Variants in DIP2B observed in about 807,000 individuals in gnomAD.
DIP2B encodes DIP2 acetate--CoA ligase B (putative).
A neutral mutation model predicts 198.0 loss-of-function variants in DIP2B; 76 were observed. That is an observed-to-expected ratio of 0.38 (90% CI 0.32 to 0.46). The LOEUF is 0.46. DIP2B is among the 20% of genes least tolerant of loss of function. The pLI is 0.99. For synonymous variants in DIP2B, 701 were observed against 739.1 expected (o/e 0.95, Z 0.84); for missense variants, 1,559 against 1,978.4 (o/e 0.79, Z 4.02).
chr12:50,686,398 T>G (rs1352124917), intron 11 of DIP2B, among the ~76,000 whole-genome samples, 175 bp from the exon 12 acceptor site: 1 of 152,192 alleles, frequency 6.6e-6, no homozygotes, highest in Non-Finnish European at 1.5e-5. Context: ...ATTGTACTTT[T>G]GAAAGAAGGT....
At chr12:50,720,226 C>T (rs1240407527) in intron 25 of DIP2B, among the ~76,000 whole-genome samples, 1 of 151,956 alleles carries the variant, frequency 6.6e-6, no homozygotes, top group Non-Finnish European at 1.5e-5. Flanking sequence ...CTGTGCCCGG[C>T]CTATATATTG....
chr12:50,601,551 G>A (rs1300562146), intron 1 of DIP2B, among the ~76,000 whole-genome samples: 1 of 152,046 alleles, frequency 6.6e-6, no homozygotes, highest in African/African-American at 2.4e-5. Context: ...TGTTAGCCAG[G>A]ATGGTCTCGA....
In DIP2B at chr12:50,555,764, T is replaced by G. The variant is rs568831207; in HGVS notation, c.100+50524T>G. The stretch of plus-strand genomic sequence containing the variant: ...CACCCCATGCTTGTTTGGCGCCTCA[T>G]GTCCTCCTCTTACTTCTAGGGGCCT... On this transcript the variant is annotated intron_variant, in intron 1 of 37. Transcript: ENST00000301180. Among the ~76,000 whole-genome samples, 4 of 152,030 alleles carry G rather than the reference T, an allele frequency of 2.6e-5. No homozygotes were observed. The South Asian group carries it at 8.3e-4, about 32-fold the overall frequency.
At chr12:50,706,776 T>A (rs550033349) in intron 21 of DIP2B, 111 bp downstream of exon 21, 2 of 1,334,410 alleles carry the variant, frequency 1.5e-6, no homozygotes, top group African/African-American at 2.9e-5. Flanking sequence ...GATCAGATTG[T>A]TTTTGTTAAG....
At chr12:50,646,334 G>A (rs1320730976) in intron 3 of DIP2B, among the ~76,000 whole-genome samples, 1 of 151,950 alleles carries the variant, frequency 6.6e-6, no homozygotes, top group Non-Finnish European at 1.5e-5. Flanking sequence ...TATTGGCCAG[G>A]CTGGTCTGGA....
intron 1 of DIP2B, among the ~76,000 whole-genome samples, chr12:50,547,281 A>T (rs1370965284): frequency 6.6e-6 from 1 of 152,218 alleles, no homozygotes; most frequent in Non-Finnish European, 1.5e-5. Flanking sequence ...TGATGACTGT[A>T]CAACACTAGA....
chr12:50,683,248 G>A lies in DIP2B; in HGVS notation c.1317G>A (p.Lys439=). Residue 439 remains lysine (K), a splice_region_variant and synonymous_variant, in exon 10 of 38, where the codon AAG becomes AAA. Coordinates refer to ENST00000301180, the MANE Select transcript of DIP2B (RefSeq NM_173602.3). The part of the protein sequence containing the change: ...PVPIEVPLTR[K]DAGGQQIGFL... ...CTATAGAGGTACCTCTTACCAGAAA[G>A]GTAACATTGCTAAATTTAAGAGGAA... 6.2e-7 allele frequency: 1 copy of A among 1,606,664 alleles called. No individual in the cohort carries two copies. Among genetic ancestry groups the A allele is most frequent in the East Asian group, 2.2e-5 (1 of 44,572 alleles).
chr12:50,603,037 G>A (rs1232975335), intron 1 of DIP2B, among the ~76,000 whole-genome samples: 41 of 146,304 alleles, frequency 2.8e-4, no homozygotes, highest in African/African-American at 9.6e-4. Flanking sequence ...GGTGGCAGGC[G>A]CCTGTAGTCC....
intron 1 of DIP2B, among the ~76,000 whole-genome samples, chr12:50,607,085 G>A (rs1179612075): frequency 6.6e-6 from 1 of 151,658 alleles, no homozygotes; most frequent in Non-Finnish European, 1.5e-5. Context: ...GGGACTACAG[G>A]CATGGGCCAT....
intron 2 of DIP2B, among the ~76,000 whole-genome samples, chr12:50,637,001 C>G (rs964270896): frequency 5.3e-5 from 8 of 152,164 alleles, no homozygotes; most frequent in Non-Finnish European, 1.2e-4. Flanking sequence ...ATCACCGACC[C>G]TTCAAAGGAA....
intron 1 of DIP2B, among the ~76,000 whole-genome samples, chr12:50,593,035 G>A (rs1348813566): frequency 6.6e-6 from 1 of 152,096 alleles, no homozygotes; most frequent in Non-Finnish European, 1.5e-5. Flanking sequence ...TCCTGAATTT[G>A]CACACAAGGC....
chr12:50,611,299 G>C (rs185011002), intron 1 of DIP2B, among the ~76,000 whole-genome samples: 1 of 152,214 alleles, frequency 6.6e-6, no homozygotes, highest in Non-Finnish European at 1.5e-5. Flanking sequence ...CCTGCTAAAG[G>C]ATATCAGCTC....
chr12:50,686,111 A>G (rs768866747), intron 11 of DIP2B, among the ~76,000 whole-genome samples, 155 bp downstream of exon 11: 3 of 152,240 alleles, frequency 2.0e-5, no homozygotes, highest in Non-Finnish European at 4.4e-5. Flanking sequence ...CCATTTTACA[A>G]GTGAGGAAAC....
intron 22 of DIP2B, 135 bp downstream of exon 22, chr12:50,708,697 G>A (rs1222290926): frequency 9.0e-6 from 6 of 669,404 alleles, no homozygotes; most frequent in Admixed American, 2.7e-5. Flanking sequence ...GGTACTACTA[G>A]CAAAATCAGA....
intron 1 of DIP2B, among the ~76,000 whole-genome samples, chr12:50,562,325 C>T (rs1180295798): frequency 2.0e-5 from 3 of 151,986 alleles, no homozygotes. Flanking sequence ...TTATTTAGGT[C>T]TCTTCCGTAT....
rs115624341 is a variant in DIP2B at position 50,684,768 on chromosome 12, A to T, written c.1318-1065A>T. 1.4e-3 allele frequency among the ~76,000 whole-genome samples: 220 copies of T among 151,916 alleles called. 2 individuals carry two copies. The highest frequency in any genetic ancestry group is 4.6e-3 in the African/African-American group (190 of 41,394). On this transcript the variant is annotated intron_variant, in intron 10 of 37. Coordinates refer to ENST00000301180, the MANE Select transcript of DIP2B (RefSeq NM_173602.3). ...GATTGCGCCACTGTATACCAGCCTG[A>T]CAAAGTGAGATCTTGTCTCAAAAAA... is the stretch of plus-strand genomic sequence containing the variant.
chr12:50,541,240 C>G (rs1161831205), intron 1 of DIP2B, among the ~76,000 whole-genome samples: 1 of 152,062 alleles, frequency 6.6e-6, no homozygotes, highest in South Asian at 2.1e-4. Context: ...GTAAGTTCTT[C>G]CAGTCTTGAA....
At chr12:50,622,996 G>A (rs1937844962) in intron 1 of DIP2B, among the ~76,000 whole-genome samples, 1 of 151,700 alleles carries the variant, frequency 6.6e-6, no homozygotes, top group Non-Finnish European at 1.5e-5. Flanking sequence ...CACCTTGTTA[G>A]CAAATATACA....
chr12:50,633,519 C>G (rs1422903601), intron 2 of DIP2B: 3 of 152,192 alleles, frequency 2.0e-5, no homozygotes, highest in South Asian at 2.1e-4. Context: ...TGGCTCATGC[C>G]TGTAATCCCA....
Sources: gnomAD v4.1 joint callset for allele counts (sites outside exome capture counted in the v4.1 genomes callset) on GRCh38, gnomAD v4.1.1 for gene constraint, MANE v1.5 for transcripts, NCBI Gene and HGNC (gene_info 2026-07-23, HGNC 2026-07-21) for gene names.